The following ANKRD30B variants were observed in gnomAD, a reference collection of about 807,000 sequenced individuals.
ANKRD30B encodes the protein ankyrin repeat domain-containing protein 30B.
In ANKRD30B, 144 loss-of-function variants were observed where a neutral mutation model predicts 202.2. The ratio of observed to expected loss-of-function variants is 0.71; its 90% CI spans 0.62 to 0.82. The LOEUF is 0.82. ANKRD30B is among the 40% of genes least tolerant of loss of function. The pLI is 0.00. For missense variants in ANKRD30B, 1,487 were observed against 1,669.1 expected (o/e 0.89, Z 1.90); for synonymous variants, 508 against 561.3 (o/e 0.91, Z 1.34).
At chr18:14,831,214 G>A (rs984659710) in intron 33 of ANKRD30B, among the ~76,000 whole-genome samples, 169 bp from the exon 34 acceptor site, 3 of 123,280 alleles carry the variant, frequency 2.4e-5, no homozygotes, top group African/African-American at 9.2e-5. Context: ...AAACCAGATG[G>A]CATATTTTAA....
the ANKRD30B span, among the ~76,000 whole-genome samples, chr18:14,935,975 T>C: frequency 6.6e-6 from 1 of 152,252 alleles, no homozygotes; most frequent in Admixed American, 6.5e-5. Flanking sequence ...ATAAATTCTT[T>C]GCTTTGAAAG....
At chr18:14,819,924 A>T (rs1175844594) in intron 30 of ANKRD30B, among the ~76,000 whole-genome samples, 1 of 151,996 alleles carries the variant, frequency 6.6e-6, no homozygotes, top group Non-Finnish European at 1.5e-5. Context: ...CTTGATGGGG[A>T]TGGCATTGAA....
the ANKRD30B span, among the ~76,000 whole-genome samples, chr18:14,895,965 C>T: frequency 6.6e-6 from 1 of 152,124 alleles, no homozygotes; most frequent in African/African-American, 2.4e-5. Flanking sequence ...ATACATTTGT[C>T]AGAACTCATA....
chr18:14,934,947 C>T, the ANKRD30B span, among the ~76,000 whole-genome samples: 1 of 141,874 alleles, frequency 7.0e-6, no homozygotes, highest in Non-Finnish European at 1.5e-5. Flanking sequence ...CACACACACA[C>T]ACCCCATCGT....
chr18:14,826,693 T>TCACACACACACACACACACA (rs61497414), intron 32 of ANKRD30B, among the ~76,000 whole-genome samples: 4 of 125,044 alleles, frequency 3.2e-5, no homozygotes, highest in East Asian at 2.6e-4. Flanking sequence ...TCTCTCTCTC[T>TCACACACACACACACACACA]CACACACACA....
chr18:14,758,229 G>C (rs1431290519), intron 5 of ANKRD30B, among the ~76,000 whole-genome samples: 1 of 152,162 alleles, frequency 6.6e-6, no homozygotes, highest in Non-Finnish European at 1.5e-5. Context: ...TTTGGGTCTG[G>C]AAATGTCCAC....
chr18:14,769,244 T>C, intron 7 of ANKRD30B, 99 bp from the exon 8 acceptor site: 1 of 908,834 alleles, frequency 1.1e-6, no homozygotes, highest in East Asian at 2.9e-5. Context: ...GTAGCTGGGA[T>C]TACAGGCATT....
chr18:14,778,212 G>C (rs1365541496), intron 10 of ANKRD30B, 137 bp downstream of exon 10: 1 of 636,642 alleles, frequency 1.6e-6, no homozygotes, highest in Non-Finnish European at 2.8e-6. Flanking sequence ...TGAAAGTTAT[G>C]TGTCTTCTCA....
At chr18:14,800,172 C>T (rs1371848776) in intron 22 of ANKRD30B, among the ~76,000 whole-genome samples, 1 of 151,314 alleles carries the variant, frequency 6.6e-6, no homozygotes, top group Non-Finnish European at 1.5e-5. Context: ...GCAGAAGTTG[C>T]AGTGAGCCAA....
At chr18:14,934,401 G>A in the ANKRD30B span, among the ~76,000 whole-genome samples, 13 of 152,274 alleles carry the variant, frequency 8.5e-5, no homozygotes, top group Middle Eastern at 3.4e-3. Context: ...CTTGCTACCC[G>A]GCAGTGATGG....
intron 15 of ANKRD30B, among the ~76,000 whole-genome samples, chr18:14,788,757 G>A (rs547986453): frequency 6.6e-6 from 1 of 151,876 alleles, no homozygotes; most frequent in Non-Finnish European, 1.5e-5. Flanking sequence ...GTAATCCATG[G>A]TGTATATGTG....
intron 15 of ANKRD30B, among the ~76,000 whole-genome samples, chr18:14,790,111 T>C (rs1968367447): frequency 6.6e-6 from 1 of 152,222 alleles, no homozygotes; most frequent in Non-Finnish European, 1.5e-5. Context: ...TTCATGTCCC[T>C]TGTAAGTTGG....
the ANKRD30B span, among the ~76,000 whole-genome samples, chr18:14,879,043 G>A: frequency 6.6e-6 from 1 of 152,128 alleles, no homozygotes; most frequent in Non-Finnish European, 1.5e-5. Flanking sequence ...CACCGCGAGG[G>A]TGCAGCTGCG....
At chr18:14,862,570 A>G in the ANKRD30B span, among the ~76,000 whole-genome samples, 6 of 152,208 alleles carry the variant, frequency 3.9e-5, no homozygotes, top group Admixed American at 6.5e-5. Flanking sequence ...AAAGAAACCA[A>G]AAGTCCACTA....
chr18:14,754,760 A>T, intron 3 of ANKRD30B, 139 bp from the exon 4 acceptor site: 1 of 530,136 alleles, frequency 1.9e-6, no homozygotes, highest in South Asian at 5.7e-5. Flanking sequence ...CAGAAAAAGG[A>T]GAAAGAAGGG....
chr18:14,771,685 C>T (rs9964631), intron 8 of ANKRD30B, among the ~76,000 whole-genome samples: 54,732 of 152,016 alleles, frequency 0.36, 10,154 homozygotes, highest in Non-Finnish European at 0.4. Flanking sequence ...TCCAGTGACA[C>T]AGATTAGTCT....
chr18:14,877,445 T>A, the ANKRD30B span, among the ~76,000 whole-genome samples: 1 of 151,970 alleles, frequency 6.6e-6, no homozygotes, highest in East Asian at 1.9e-4. Context: ...GCATGGGGGA[T>A]AGTAAGAGTT....
the ANKRD30B span, among the ~76,000 whole-genome samples, chr18:14,926,753 C>T: frequency 1.5e-4 from 23 of 152,094 alleles, no homozygotes; most frequent in Non-Finnish European, 2.6e-4. Flanking sequence ...ACTAGGACCC[C>T]ATCTCTACAA....
At chr18:14,867,073 G>T in the ANKRD30B span, among the ~76,000 whole-genome samples, 55 of 145,882 alleles carry the variant, frequency 3.8e-4, no homozygotes, top group African/African-American at 1.3e-3. Flanking sequence ...TACCCCGGGC[G>T]TTCACTGCCT....
Sources: gnomAD v4.1 joint callset for allele counts (sites outside exome capture counted in the v4.1 genomes callset) on GRCh38, gnomAD v4.1.1 for gene constraint, MANE v1.5 for transcripts, NCBI Gene and HGNC (gene_info 2026-07-23, HGNC 2026-07-21) for gene names.